MYO18A: variants seen among roughly 807,000 people sequenced by gnomAD.
The protein encoded by MYO18A is unconventional myosin-XVIIIa.
Under a neutral mutation model 235.8 loss-of-function variants are expected in MYO18A, and 78 were observed. The ratio of observed to expected loss-of-function variants is 0.33; its 90% CI spans 0.28 to 0.40. MYO18A has a LOEUF of 0.40. Ranked by LOEUF, MYO18A falls within the 10% of genes least tolerant of loss-of-function variation. The pLI is 1.00. For missense variants in MYO18A, 2,215 were observed against 2,699.3 expected, an observed-to-expected ratio of 0.82 and a Z score of 3.98; for synonymous variants, 977 against 1,077.8, an observed-to-expected ratio of 0.91 and a Z score of 1.83.
intron 39 of MYO18A, among the ~76,000 whole-genome samples, 164 bp downstream of exon 39, chr17:29,086,266 GTCTGCCCC>G (rs2066251342): frequency 6.6e-6 from 1 of 152,188 alleles, no homozygotes; most frequent in Non-Finnish European, 1.5e-5. Context: ...CTGTCTCACC[GTCTGCCCC>G]TGCAGGACAG....
Position 29,099,720 on chromosome 17 carries a change from G to T in MYO18A, c.3550C>A (p.Arg1184=). ...AGGTTCCTGCTGGTTTGTTCATCCC[G>T]CTGCTCCTCCAGCCGTGCCAAGGTG... ...AGTLARLEEQ[R]DEQTSRNLTL... The change falls in exon 22 of 42, where the codon CGG becomes AGG. Residue 1184 remains arginine, a synonymous_variant. Coordinates refer to ENST00000527372, the MANE Select transcript of MYO18A (RefSeq NM_078471.4). 1 of 1,613,458 alleles carries T rather than the reference G, an allele frequency of 6.2e-7. No individual in the cohort carries two copies. The highest frequency in any genetic ancestry group is 8.5e-7 in the Non-Finnish European group (1 of 1,179,848).
chr17:29,090,435 C>G (rs941157430), intron 36 of MYO18A, 97 bp downstream of exon 36: 1 of 1,083,000 alleles, frequency 9.2e-7, no homozygotes, highest in African/African-American at 1.6e-5. Flanking sequence ...TTACTGATGG[C>G]AGAGAAAAGC....
rs565200847 is a variant in MYO18A, at chr17:29,158,869, T to C, written c.999+7073A>G. 1.9e-4 allele frequency among the ~76,000 whole-genome samples: 29 copies of C among 152,258 alleles called. No homozygotes were observed. The highest frequency in any genetic ancestry group is 3.9e-4 in the Admixed American group (6 of 15,296). ...CCAGTCAGGGTGTTTGCATATCTGG[T>C]ATTTTCCAGAACCAGTCCAATGTAA... On this transcript the variant is annotated intron_variant, in intron 2 of 41. Coordinates refer to ENST00000527372, the MANE Select transcript of MYO18A (RefSeq NM_078471.4). This position sits in a 1 kb window ranked among gnomAD's most constrained non-coding sequence, Gnocchi z 4.3.
At chr17:29,176,013 G>A (rs547874854) in intron 1 of MYO18A, among the ~76,000 whole-genome samples, 1 of 152,202 alleles carries the variant, frequency 6.6e-6, no homozygotes, top group Non-Finnish European at 1.5e-5. Context: ...AGCCAAGATT[G>A]CGCCACTGCA....
chr17:29,129,333 C>T (rs529227135), intron 2 of MYO18A, among the ~76,000 whole-genome samples: 2 of 152,142 alleles, frequency 1.3e-5, no homozygotes, highest in African/African-American at 4.8e-5. Flanking sequence ...GTTTGGAGAC[C>T]CCCTAGTTCC....
intron 2 of MYO18A, among the ~76,000 whole-genome samples, chr17:29,130,529 A>ACACAC (rs1567619180): frequency 8.6e-6 from 1 of 115,792 alleles, no homozygotes; most frequent in Admixed American, 8.9e-5. Context: ...CACACACACA[A>ACACAC]CCCTTTCAAA....
chr17:29,166,107 C>T lies in MYO18A; in HGVS notation c.834G>A (p.Glu278=). The part of the protein sequence containing the change: ...LGLVPGDRLV[E]INGHNVESKS... ...TGCTCTCCACATTGTGCCCATTAAT[C>T]TCCACCAGTCGATCTCCTGGCACCA... The change falls in exon 2 of 42, where the codon GAG becomes GAA. Residue 278 remains glutamate, a synonymous_variant. Coordinates refer to ENST00000527372, the MANE Select transcript of MYO18A (RefSeq NM_078471.4). 6.2e-7 allele frequency: 1 copy of T among 1,613,494 alleles called. No homozygotes were observed.
intron 11 of MYO18A, 120 bp from the exon 12 acceptor site, chr17:29,115,960 C>T (rs2067049353): frequency 5.4e-6 from 6 of 1,119,774 alleles, no homozygotes; most frequent in South Asian, 1.5e-5. Flanking sequence ...TGATGACACC[C>T]GATGGGCTTC....
chr17:29,132,833 A>G (rs2067503364), intron 2 of MYO18A, among the ~76,000 whole-genome samples: 1 of 152,122 alleles, frequency 6.6e-6, no homozygotes, highest in Non-Finnish European at 1.5e-5. Context: ...AGAGAAAGGG[A>G]AGGGAGGGAC....
Position 29,120,209 on chromosome 17 carries a change from G to T in MYO18A, c.1728+407C>A, listed in dbSNP as rs11869148. 0.018 allele frequency among the ~76,000 whole-genome samples: 2,713 copies of T among 152,344 alleles called. 89 individuals carry two copies. The highest frequency in any genetic ancestry group is 0.061 in the African/African-American group (2,547 of 41,568). On this transcript the variant is annotated intron_variant, in intron 7 of 41. Transcript: ENST00000527372. This position sits in a 1 kb window ranked among gnomAD's most constrained non-coding sequence, Gnocchi z 4.2. The stretch of plus-strand genomic sequence containing the variant: ...AGGTGCCTGCCTTCTGGAAATGGGA[G>T]CTTGTGGTGAGGTATTTAGCATGGG...
chr17:29,127,453 G>T (rs558580227), intron 2 of MYO18A, among the ~76,000 whole-genome samples: 3 of 152,240 alleles, frequency 2.0e-5, no homozygotes, highest in Non-Finnish European at 2.9e-5. Flanking sequence ...GGTCCCAGGG[G>T]ATGAGTGGCT....
chr17:29,094,230 C>A, intron 30 of MYO18A, 140 bp from the exon 31 acceptor site: 1 of 650,010 alleles, frequency 1.5e-6, no homozygotes, highest in Non-Finnish European at 2.7e-6. Context: ...GCTCCCGTGG[C>A]AGCAGCTTCT....
chr17:29,145,513 G>A (rs2067829107), intron 2 of MYO18A, among the ~76,000 whole-genome samples: 1 of 152,162 alleles, frequency 6.6e-6, no homozygotes, highest in Non-Finnish European at 1.5e-5. Context: ...AATACCTCAA[G>A]GCGAACACTG....
At chr17:29,154,843 T>C (rs1304425416) in intron 2 of MYO18A, among the ~76,000 whole-genome samples, 3 of 152,154 alleles carry the variant, frequency 2.0e-5, no homozygotes, top group Non-Finnish European at 2.9e-5. Context: ...GCCCAGTGCT[T>C]CTGCAATCAG....
intron 2 of MYO18A, among the ~76,000 whole-genome samples, chr17:29,122,854 C>T (rs865824958): frequency 5.3e-5 from 8 of 152,332 alleles, no homozygotes; most frequent in Middle Eastern, 3.4e-3. Context: ...CTACCCGGAC[C>T]GGGGGACAGT....
intron 36 of MYO18A, 150 bp from the exon 37 acceptor site, chr17:29,090,248 G>A: frequency 2.2e-6 from 2 of 892,648 alleles, no homozygotes; most frequent in Non-Finnish European, 3.3e-6. Flanking sequence ...CTGGGCCAGA[G>A]GCCTCCCCCA....
At chr17:29,152,007 G>A (rs2067973387) in intron 2 of MYO18A, among the ~76,000 whole-genome samples, 1 of 152,192 alleles carries the variant, frequency 6.6e-6, no homozygotes, top group African/African-American at 2.4e-5. Context: ...GAGGCTCAGA[G>A]AAGCCCCCCA....
At chr17:29,163,841 G>C (rs1372677351) in intron 2 of MYO18A, among the ~76,000 whole-genome samples, 1 of 152,228 alleles carries the variant, frequency 6.6e-6, no homozygotes, top group Non-Finnish European at 1.5e-5. Context: ...GTTAAAAGCA[G>C]CGTTAGCCTG....
chr17:29,162,774 G>A lies in MYO18A; in HGVS notation c.999+3168C>T, dbSNP rs190478384. 7.2e-5 allele frequency among the ~76,000 whole-genome samples: 11 copies of A among 152,310 alleles called. No individual in the cohort carries two copies. In the South Asian group the frequency reaches 1.4e-3, roughly 20 times the overall value. Reference sequence around the variant, plus strand: ...TGGAAGGATGATGGCAGAAGAAAACGGTGTTCTCCCAGGCCTGCTGGTTGA... The same window carrying A: ...TGGAAGGATGATGGCAGAAGAAAACAGTGTTCTCCCAGGCCTGCTGGTTGA... On this transcript the variant is annotated intron_variant, in intron 2 of 41. Coordinates refer to ENST00000527372, the MANE Select transcript of MYO18A (RefSeq NM_078471.4).
Sources: gnomAD v4.1 joint callset for allele counts (sites outside exome capture counted in the v4.1 genomes callset) on GRCh38, gnomAD v4.1.1 for gene constraint, Gnocchi (gnomAD v3.1) non-coding constraint, MANE v1.5 for transcripts, NCBI Gene and HGNC (gene_info 2026-07-23, HGNC 2026-07-21) for gene names.